Variants in SCNN1D observed in about 807,000 individuals in gnomAD.
The protein encoded by SCNN1D is epithelial sodium channel subunit delta.
A neutral mutation model predicts 87.8 loss-of-function variants in SCNN1D; 104 were observed. That is an observed-to-expected ratio of 1.18 (90% CI 1.01 to 1.39). The LOEUF (loss-of-function observed/expected upper bound fraction) is 1.39, where lower values mean the gene tolerates loss of function less well. Ranked by LOEUF, SCNN1D falls within the 40% of genes most tolerant of loss-of-function variation. The pLI is 0.00. For missense variants in SCNN1D, 1,324 were observed against 1,093.9 expected (o/e 1.21, Z -2.97); for synonymous variants, 628 against 481.2 (o/e 1.31, Z -3.99).
intron 1 of SCNN1D, 147 bp downstream of exon 1, chr1:1,280,813 C>CA (rs1392823585): frequency 9.5e-6 from 6 of 628,696 alleles, no homozygotes; most frequent in Non-Finnish European, 1.8e-5. Context: ...AGGCAGCCCA[C>CA]ACGCACCTTA....
chr1:1,283,575 G>A (rs954302121), intron 4 of SCNN1D, among the ~76,000 whole-genome samples: 6 of 152,278 alleles, frequency 3.9e-5, no homozygotes, highest in African/African-American at 9.6e-5. Context: ...GCAGGTGCCC[G>A]TAATCCCAGC....
At chr1:1,288,103 G>T in intron 12 of SCNN1D, 66 bp downstream of exon 12, 1 of 942,220 alleles carries the variant, frequency 1.1e-6, no homozygotes, top group Non-Finnish European at 1.6e-6. Context: ...GTGTGGGCGG[G>T]TGGAACGGGG....
intron 12 of SCNN1D, 58 bp downstream of exon 12, chr1:1,288,095 G>A (rs1161423662): frequency 8.7e-6 from 10 of 1,147,454 alleles, no homozygotes; most frequent in Non-Finnish European, 1.2e-5. Flanking sequence ...GCCAGGGGGT[G>A]TGGGCGGGTG....
Position 1,286,632 on chromosome 1 carries a change from C to T in SCNN1D, c.912-136C>T, listed in dbSNP as rs1640597403. ...CACCGGCAGCCACGGCCTCCAACTC[C>T]AGCTCTGGGTCCAGCTCACCCCACT... On this transcript the variant is annotated intron_variant, in intron 7 of 17. Coordinates refer to ENST00000379116, the MANE Select transcript of SCNN1D (RefSeq NM_001130413.4). 3.5e-6 allele frequency: 3 copies of T among 847,320 alleles called. No homozygotes were observed. In the Admixed American group the frequency reaches 8.2e-5, roughly 23 times the overall value. 52.5% of individuals were successfully genotyped at this position (847,320 alleles called of 1,614,324 possible).
In SCNN1D at chr1:1,290,521, C is replaced by T. The variant is rs1299716716; in HGVS notation, c.1825C>T (p.Leu609Phe). ...CTACCAGGACCTGGAGACCCACCGG[C>T]TCCCCTGTACCTCCCGCTGCCCCAG... Reference protein sequence around the residue: ...RLYQDLETHRLPCTSRCPRPC... With the variant: ...RLYQDLETHRFPCTSRCPRPC... Residue 609 changes from leucine (L) to phenylalanine (F), a missense_variant, in exon 14 of 18, where the codon CTC (leucine) becomes TTC (phenylalanine). Leu to Phe is a conservative substitution (Grantham distance 22, BLOSUM62 0). Transcript: ENST00000379116. 1 of 1,612,710 alleles carries T rather than the reference C, an allele frequency of 6.2e-7. No individual in the cohort carries two copies. The highest frequency in any genetic ancestry group is 1.1e-5 in the South Asian group (1 of 91,090).
chr1:1,291,681 C>T lies in SCNN1D; in HGVS notation c.*71C>T. On this transcript the variant is annotated 3_prime_UTR_variant, in exon 18 of 18. Coordinates refer to ENST00000379116, the MANE Select transcript of SCNN1D (RefSeq NM_001130413.4). ...GCTGTGGCAGCAGCAGGCTCCCCAG[C>T]GGCCCAGGGTGGGCCAGACCAGCAG... 3 of 1,267,702 alleles carry T rather than the reference C, an allele frequency of 2.4e-6. No homozygotes were observed. Among genetic ancestry groups the T allele is most frequent in the Non-Finnish European group, 3.2e-6 (3 of 932,912 alleles). The allele number at this position is 1,267,702 out of a possible 1,614,324, so 78.5% of individuals were successfully genotyped here. A position where few individuals can be genotyped will look rare whatever the true frequency, so the allele number is the denominator to read the frequency against.
Position 1,286,838 on chromosome 1 carries a change from A to G in SCNN1D, c.982A>G (p.Asn328Asp), listed in dbSNP as rs140760306. The G allele has an allele frequency of 1.2e-6, 2 of 1,612,462 alleles. No homozygotes were observed. Among genetic ancestry groups the G allele is most frequent in the East Asian group, 2.2e-5 (1 of 44,872 alleles). Residue 328 changes from asparagine to aspartate, a missense_variant, in exon 8 of 18, where the codon AAC becomes GAC. Asn to Asp is a conservative substitution (Grantham distance 23). Coordinates refer to ENST00000379116, the MANE Select transcript of SCNN1D (RefSeq NM_001130413.4). ...FARENIDSLY[N>D]VNLSKGRAAL... ...CAGGGAGAACATTGACTCCCTGTAC[A>G]ACGTCAACCTCAGCAAAGGCAGAGC...
At position 1,286,231 on chromosome 1, in the gene SCNN1D, G is replaced by A; in HGVS notation, c.864G>A (p.Glu288=). 6.3e-7 allele frequency: 1 copy of A among 1,595,930 alleles called. No individual in the cohort carries two copies. Among genetic ancestry groups the A allele is most frequent in the Non-Finnish European group, 8.5e-7 (1 of 1,176,390 alleles). ...TCATGGCCGTCTCTGTGCACTCGGA[G>A]CGCAAGCTGCTCCCGCTGGTCACCC... ...PVLMAVSVHS[E]RKLLPLVTLC... Residue 288 remains glutamate (E), a synonymous_variant, in exon 7 of 18, where the codon GAG becomes GAA. Transcript: ENST00000379116.
In SCNN1D at chr1:1,281,163, G is replaced by A. The variant is rs377350215; in HGVS notation, c.6-63G>A. The stretch of plus-strand genomic sequence containing the variant: ...GGACGCTCACCCCAGGGGAGGAAAC[G>A]GGGCTCTGGGATAGGAGGTCCTGGC... On this transcript the variant is annotated intron_variant, in intron 1 of 17. Coordinates refer to ENST00000379116, the MANE Select transcript of SCNN1D (RefSeq NM_001130413.4). 3,663 of 1,457,600 alleles carry A rather than the reference G, an allele frequency of 2.5e-3. 90 individuals carry two copies. In the African/African-American group the frequency reaches 0.047, roughly 19 times the overall value. The allele number at this position is 1,457,600 out of a possible 1,614,324, so 90.3% of individuals were successfully genotyped here.
chr1:1,288,555 GTCTCTGCTCCGTCCCCCGTGTC>G, intron 12 of SCNN1D, among the ~76,000 whole-genome samples: 2 of 55,676 alleles, frequency 3.6e-5, no homozygotes, highest in Non-Finnish European at 6.5e-5. Flanking sequence ...CGTCCCCCGT[GTCTCTGCTCCGTCCCCCGTGTC>G]TCTGCTCCGT....
chr1:1,291,562 C>T lies in SCNN1D; in HGVS notation c.2361C>T (p.Ala787=), dbSNP rs1437795489. 7.6e-6 allele frequency: 12 copies of T among 1,586,424 alleles called. No homozygotes were observed. The highest frequency in any genetic ancestry group is 6.7e-5 in the African/African-American group (5 of 74,126). Residue 787 remains alanine, a synonymous_variant, in exon 18 of 18, where the codon GCC becomes GCT. Coordinates refer to ENST00000379116, the MANE Select transcript of SCNN1D (RefSeq NM_001130413.4). The part of the protein sequence containing the change: ...MLPGVLAGVS[A]EESWAGPQPL... Reference sequence around the variant, plus strand: ...CAGGGGTTCTGGCGGGAGTCTCAGCCGAAGAGAGCTGGGCTGGGCCCCAGC... The same window carrying T: ...CAGGGGTTCTGGCGGGAGTCTCAGCTGAAGAGAGCTGGGCTGGGCCCCAGC...
intron 7 of SCNN1D, 60 bp downstream of exon 7, chr1:1,286,338 G>C: frequency 7.5e-7 from 1 of 1,334,670 alleles, no homozygotes; most frequent in Non-Finnish European, 1.0e-6. Context: ...CCCTGTGACC[G>C]TCTCTAACCG....
At chr1:1,286,455 A>G (rs1264937726) in intron 7 of SCNN1D, among the ~76,000 whole-genome samples, 177 bp downstream of exon 7, 1 of 151,914 alleles carries the variant, frequency 6.6e-6, no homozygotes, top group Non-Finnish European at 1.5e-5. Context: ...GACCTCTCGG[A>G]CTGCCAAGGA....
At position 1,291,539 on chromosome 1, in the gene SCNN1D, G is replaced by C; in HGVS notation, c.2338G>C (p.Gly780Arg). 1.9e-6 allele frequency: 3 copies of C among 1,600,412 alleles called. No homozygotes were observed. Among genetic ancestry groups the C allele is most frequent in the Non-Finnish European group, 2.6e-6 (3 of 1,171,336 alleles). Residue 780 changes from glycine to arginine, a missense_variant, in exon 18 of 18, where the codon GGG becomes CGG. Coordinates refer to ENST00000379116, the MANE Select transcript of SCNN1D (RefSeq NM_001130413.4). ...TCATCTCCCACGGGTGATGCTTCCA[G>C]GGGTTCTGGCGGGAGTCTCAGCCGA... ...GPHLPRVMLP[G>R]VLAGVSAEES...
At chr1:1,282,756 C>CTT (rs61112547) in intron 4 of SCNN1D, among the ~76,000 whole-genome samples, 2,916 of 142,570 alleles carry the variant, frequency 0.02, 108 homozygotes, top group African/African-American at 0.072. Context: ...GAATCACTTT[C>CTT]TTTTTTTTTT....
Position 1,287,232 on chromosome 1 carries a change from A to AGCCACGGGAGCCAGGACG in SCNN1D, c.1249_1266dup (p.Gly417_His422dup). ...CCTGCTGCCCGCGGCATGGGAGGAC[A>AGCCACGGGAGCCAGGACG]GCCACGGGAGCCAGGACGGCCACTT... On this transcript the variant is annotated inframe_insertion, in exon 9 of 18. Transcript: ENST00000379116. 1 of 1,611,174 alleles carries AGCCACGGGAGCCAGGACG rather than the reference A, an allele frequency of 6.2e-7. No homozygotes were observed.
rs149588812 is a variant in SCNN1D, at chr1:1,290,850, G to A, written c.1918-45G>A. 975 of 1,600,212 alleles carry A rather than the reference G, an allele frequency of 6.1e-4. 9 individuals are homozygous for A. The East Asian group carries it at 0.011, about 19-fold the overall frequency. The stretch of plus-strand genomic sequence containing the variant: ...TCCGCCCGTGGTACCCAGGATGGCC[G>A]GGGGCATGGGGGAGCCGTGGCCACA... On this transcript the variant is annotated intron_variant, in intron 15 of 17. Coordinates refer to ENST00000379116, the MANE Select transcript of SCNN1D (RefSeq NM_001130413.4).
Position 1,291,739 on chromosome 1 carries a change from C to A in SCNN1D, c.*129C>A. 1.5e-6 allele frequency: 1 copy of A among 646,664 alleles called. No homozygotes were observed. The highest frequency in any genetic ancestry group is 2.5e-6 in the Non-Finnish European group (1 of 404,460). The allele number at this position is 646,664 out of a possible 1,614,324, so 40.1% of individuals were successfully genotyped here. A position where few individuals can be genotyped will look rare whatever the true frequency, so the allele number is the denominator to read the frequency against. ...AGCAGCACACGCGGCCGTGGGGAGG[C>A]AGGCACCGGGCATGTCGGCGCCTCT... On this transcript the variant is annotated 3_prime_UTR_variant, in exon 18 of 18. Coordinates refer to ENST00000379116, the MANE Select transcript of SCNN1D (RefSeq NM_001130413.4).
rs1427367802 is a variant in SCNN1D at position 1,290,335 on chromosome 1, A to G, written c.1727A>G (p.His576Arg). 3 of 1,595,674 alleles carry G rather than the reference A, an allele frequency of 1.9e-6. No individual in the cohort carries two copies. Among genetic ancestry groups the G allele is most frequent in the Admixed American group, 3.4e-5 (2 of 59,152 alleles). Reference sequence around the variant, plus strand: ...ACCTGCTCCTGTGGCTACTACCTCCACCCTCTGCCGGCGGGGGCTGAGTAC... The same window carrying G: ...ACCTGCTCCTGTGGCTACTACCTCCGCCCTCTGCCGGCGGGGGCTGAGTAC... Reference protein sequence around the residue: ...VETCSCGYYLHPLPAGAEYCS... With the variant: ...VETCSCGYYLRPLPAGAEYCS... The change falls in exon 13 of 18, where the codon CAC (histidine) becomes CGC (arginine). Residue 576 changes from histidine to arginine, a missense_variant. His to Arg is a conservative substitution (Grantham distance 29). Coordinates refer to ENST00000379116, the MANE Select transcript of SCNN1D (RefSeq NM_001130413.4).
Sources: gnomAD v4.1 joint callset for allele counts (sites outside exome capture counted in the v4.1 genomes callset) on GRCh38, gnomAD v4.1.1 for gene constraint, MANE v1.5 for transcripts, NCBI Gene and HGNC (gene_info 2026-07-23, HGNC 2026-07-21) for gene names.